Variants in NETO1 observed in about 807,000 individuals in gnomAD.
NETO1 encodes neuropilin and tolloid-like protein 1.
In NETO1, 26 loss-of-function variants were observed where a neutral mutation model predicts 61.3. The observed-to-expected ratio is 0.42, with a 90% CI of 0.31 to 0.59. The LOEUF (loss-of-function observed/expected upper bound fraction) is 0.59, where lower values mean the gene tolerates loss of function less well. Among genes scored for constraint, NETO1 ranks in the 20% least tolerant of loss-of-function variants. NETO1 has a pLI of 0.12. For missense variants in NETO1, 531 were observed against 662.8 expected (o/e 0.80, Z 2.18); for synonymous variants, 225 against 225.8 (o/e 1.00, Z 0.03).
At chr18:72,847,605 A>G (rs2074127752) in intron 4 of NETO1, among the ~76,000 whole-genome samples, 1 of 152,156 alleles carries the variant, frequency 6.6e-6, no homozygotes, top group South Asian at 2.1e-4. Flanking sequence ...ATATTTATGC[A>G]TAAAAATGGC....
At chr18:72,867,047 G>A (rs1005118887) in intron 1 of NETO1, 33 of 465,036 alleles carry the variant, frequency 7.1e-5, no homozygotes, top group Non-Finnish European at 1.2e-4. Flanking sequence ...ACCGTTCTCC[G>A]GCAGGTTTTG....
intron 4 of NETO1, among the ~76,000 whole-genome samples, chr18:72,813,972 T>C (rs1215359534): frequency 1.3e-5 from 2 of 152,106 alleles, no homozygotes; most frequent in Non-Finnish European, 2.9e-5. Flanking sequence ...TGATACCTGA[T>C]TTCAGTGGCA....
chr18:72,763,272 T>A (rs1164521370), intron 7 of NETO1, among the ~76,000 whole-genome samples: 1 of 152,168 alleles, frequency 6.6e-6, no homozygotes, highest in South Asian at 2.1e-4. Context: ...CATTGGTAAT[T>A]TGTTCAACGT....
chr18:72,867,129 G>C (rs759287432), intron 1 of NETO1, 135 bp downstream of exon 1: 35 of 613,146 alleles, frequency 5.7e-5, no homozygotes, highest in Non-Finnish European at 8.9e-5. Context: ...GAAAGTTTAC[G>C]TCGGCCCCGA....
At chr18:72,760,484 G>T (rs1248748405) in intron 7 of NETO1, among the ~76,000 whole-genome samples, 1 of 152,156 alleles carries the variant, frequency 6.6e-6, no homozygotes, top group South Asian at 2.1e-4. Context: ...TGTCAGGAGC[G>T]ATAATCCTTA....
In NETO1 at chr18:72,797,626, AC is replaced by A. The variant is rs1184685608; in HGVS notation, c.470-3223del. 2.0e-5 allele frequency among the ~76,000 whole-genome samples: 3 copies of A among 152,178 alleles called. No homozygotes were observed. In the East Asian group the frequency reaches 5.8e-4, roughly 29 times the overall value. The stretch of plus-strand genomic sequence containing the variant: ...CCCTCAGCCTGTTCTCTACTTAGCA[AC>A]CTAAATAAACTATTACACATGTAAA... On this transcript the variant is annotated intron_variant, in intron 4 of 10. Coordinates refer to ENST00000327305, the MANE Select transcript of NETO1 (RefSeq NM_138966.5).
Position 72,794,409 on chromosome 18 carries a change from A to C in NETO1, c.470-5T>G, listed in dbSNP as rs2072241975. Reference sequence around the variant, plus strand: ...CAAGGTCCTTAAAGTCAGGATCTTAAAAATTGAGAAAAAGACAATTAGTCC... The same window carrying C: ...CAAGGTCCTTAAAGTCAGGATCTTACAAATTGAGAAAAAGACAATTAGTCC... On this transcript the variant is annotated splice_region_variant and splice_polypyrimidine_tract_variant and intron_variant, in intron 4 of 10. Coordinates refer to ENST00000327305, the MANE Select transcript of NETO1 (RefSeq NM_138966.5). 2 of 1,606,768 alleles carry C rather than the reference A, an allele frequency of 1.2e-6. No individual in the cohort carries two copies. The highest frequency in any genetic ancestry group is 8.5e-7 in the Non-Finnish European group (1 of 1,178,338).
chr18:72,799,893 C>T (rs777092455), intron 4 of NETO1, among the ~76,000 whole-genome samples: 27 of 152,318 alleles, frequency 1.8e-4, no homozygotes, highest in African/African-American at 5.8e-4. Flanking sequence ...CTTACTTGTG[C>T]GACACATTCA....
intron 4 of NETO1, among the ~76,000 whole-genome samples, chr18:72,852,450 C>G (rs371674499): frequency 1.3e-5 from 2 of 152,220 alleles, no homozygotes; most frequent in African/African-American, 4.8e-5. Flanking sequence ...CTCCTGACCT[C>G]GTGATCCGCC....
rs2073200044 is a variant in NETO1 at position 72,821,555 on chromosome 18, A to G, written c.470-27151T>C. On this transcript the variant is annotated intron_variant, in intron 4 of 10. Transcript: ENST00000327305. Reference sequence around the variant, plus strand: ...AGTCCATCCTGGGCAATAAGGGTGAAACTCAAAAAAAAAAAAAAAAAAGGA... The same window carrying G: ...AGTCCATCCTGGGCAATAAGGGTGAGACTCAAAAAAAAAAAAAAAAAAGGA... Among the ~76,000 whole-genome samples the G allele has an allele frequency of 2.3e-5, 3 of 131,094 alleles. No individual in the cohort carries two copies. The East Asian group carries it at 6.3e-4, about 27-fold the overall frequency. The allele number at this position is 131,094 out of a possible 152,430, so 86.0% of individuals were successfully genotyped here. A position where few individuals can be genotyped will look rare whatever the true frequency, so the allele number is the denominator to read the frequency against.
At chr18:72,822,558 G>A (rs770896223) in intron 4 of NETO1, among the ~76,000 whole-genome samples, 1 of 152,174 alleles carries the variant, frequency 6.6e-6, no homozygotes, top group African/African-American at 2.4e-5. Flanking sequence ...GAGAGAATTC[G>A]CTAGATAAGT....
At chr18:72,852,371 C>T (rs1050127828) in intron 4 of NETO1, among the ~76,000 whole-genome samples, 6 of 152,122 alleles carry the variant, frequency 3.9e-5, no homozygotes, top group African/African-American at 1.4e-4. Flanking sequence ...CATGCCACCA[C>T]GACCGGCTAA....
chr18:72,782,045 T>C (rs761749642), intron 7 of NETO1, among the ~76,000 whole-genome samples: 55 of 152,290 alleles, frequency 3.6e-4, no homozygotes, highest in Non-Finnish European at 5.6e-4. Flanking sequence ...TTCCCTTCTT[T>C]CTGTCCATAT....
chr18:72,749,115 A>T, intron 9 of NETO1, 27 bp from the exon 10 acceptor site: 3 of 1,349,530 alleles, frequency 2.2e-6, no homozygotes, highest in Non-Finnish European at 3.1e-6. Flanking sequence ...ATTTCATTCA[A>T]CAAAGTACTA....
chr18:72,758,887 A>G (rs556997587), intron 7 of NETO1, among the ~76,000 whole-genome samples: 1 of 152,270 alleles, frequency 6.6e-6, no homozygotes, highest in South Asian at 2.1e-4. Context: ...AGCAATGTAT[A>G]AAATTGTACA....
rs1172006432 is a variant in NETO1, at chr18:72,858,712, A to G, written c.469+114T>C. 3 of 1,093,952 alleles carry G rather than the reference A, an allele frequency of 2.7e-6. No homozygotes were observed. In the Admixed American group the frequency reaches 8.7e-5, roughly 32 times the overall value. The allele number at this position is 1,093,952 out of a possible 1,614,324, so 67.8% of individuals were successfully genotyped here. A position where few individuals can be genotyped will look rare whatever the true frequency, so the allele number is the denominator to read the frequency against. On this transcript the variant is annotated intron_variant, in intron 4 of 10. Coordinates refer to ENST00000327305, the MANE Select transcript of NETO1 (RefSeq NM_138966.5). ...AAAAGCACTGTAGATTTGGTTTTAAATAGAACTGGAACATTCTCTGAGAAA... is the reference window on the plus strand; with the variant it reads ...AAAAGCACTGTAGATTTGGTTTTAAGTAGAACTGGAACATTCTCTGAGAAA...
chr18:72,759,776 C>T (rs549672715), intron 7 of NETO1, among the ~76,000 whole-genome samples: 7 of 152,160 alleles, frequency 4.6e-5, no homozygotes, highest in East Asian at 1.9e-4. Context: ...ATTCTACTTA[C>T]GAGATTCAAT....
chr18:72,782,364 T>G (rs1001239806), intron 7 of NETO1, among the ~76,000 whole-genome samples: 30 of 152,334 alleles, frequency 2.0e-4, no homozygotes, highest in Non-Finnish European at 4.3e-4. Flanking sequence ...TACTCAGTAT[T>G]GGGATTGTTG....
chr18:72,855,370 T>G (rs889416333), intron 4 of NETO1, among the ~76,000 whole-genome samples: 1 of 152,218 alleles, frequency 6.6e-6, no homozygotes, highest in African/African-American at 2.4e-5. Flanking sequence ...ATCCTTCTTA[T>G]GCATGCTAGA....
Sources: allele counts gnomAD v4.1 joint callset (sites outside exome capture counted in the v4.1 genomes callset), GRCh38; gene constraint gnomAD v4.1.1; transcripts MANE v1.5; gene names NCBI Gene and HGNC (gene_info 2026-07-23, HGNC 2026-07-21).